Variants in RIN3 observed in about 807,000 individuals in gnomAD.
The protein encoded by RIN3 is Ras and Rab interactor 3.
Under a neutral mutation model 76.3 loss-of-function variants are expected in RIN3, and 54 were observed. The ratio of observed to expected loss-of-function variants is 0.71; its 90% CI spans 0.57 to 0.89. The LOEUF is 0.89. Among genes scored for constraint, RIN3 ranks in the 40% least tolerant of loss-of-function variants. The pLI is 0.00. For missense variants in RIN3, 1,256 were observed against 1,322.1 expected (o/e 0.95, Z 0.78); for synonymous variants, 576 against 564.0 (o/e 1.02, Z -0.30).
Position 92,572,866 on chromosome 14 carries a change from T to TC in RIN3, c.250-4493dup, listed in dbSNP as rs554699628. Among the ~76,000 whole-genome samples the TC allele has an allele frequency of 1.0e-3, 140 of 139,922 alleles. 1 individual carries two copies. The highest frequency in any genetic ancestry group is 3.5e-3 in the African/African-American group (134 of 38,402). 91.8% of individuals were successfully genotyped at this position (139,922 alleles called of 152,430 possible). ...TGGTGGTCTCCTGTAGAAGGGTGAC[T>TC]CTTTTTTTTGCTTTTTTTTTTTTTT... is the stretch of plus-strand genomic sequence containing the variant. On this transcript the variant is annotated intron_variant, in intron 2 of 9. Transcript: ENST00000216487.
chr14:92,517,888 C>T (rs1896485458), intron 1 of RIN3, among the ~76,000 whole-genome samples: 1 of 152,216 alleles, frequency 6.6e-6, no homozygotes, highest in African/African-American at 2.4e-5. Context: ...GGTGTGTCCC[C>T]CAACAGCTCC....
rs1194485071 is a variant in RIN3, at chr14:92,680,228, CTCTG to C, written c.2467+3629_2467+3632del. On this transcript the variant is annotated intron_variant, in intron 8 of 9. Transcript: ENST00000216487. ...TTTTTTTTTTTTTTTGAGACAGAGT[CTCTG>C]TCTGTCACCCGGACTGGAGTGCAGT... is the stretch of plus-strand genomic sequence containing the variant. 8.9e-5 allele frequency among the ~76,000 whole-genome samples: 13 copies of C among 145,304 alleles called. No homozygotes were observed. The East Asian group carries it at 1.8e-3, about 20-fold the overall frequency.
At chr14:92,544,026 C>G (rs902142243) in intron 1 of RIN3, among the ~76,000 whole-genome samples, 3 of 152,096 alleles carry the variant, frequency 2.0e-5, no homozygotes, top group South Asian at 2.1e-4. Context: ...CCCACCCCCC[C>G]ATCTCATTTA....
intron 3 of RIN3, among the ~76,000 whole-genome samples, chr14:92,612,573 G>A (rs1885783543): frequency 6.6e-6 from 1 of 152,202 alleles, no homozygotes; most frequent in African/African-American, 2.4e-5. Flanking sequence ...AGTCTCCCAT[G>A]CACTGTGCTG....
intron 7 of RIN3, among the ~76,000 whole-genome samples, chr14:92,665,374 T>G (rs1219263482): frequency 2.0e-5 from 1 of 50,952 alleles, no homozygotes; most frequent in Non-Finnish European, 4.6e-5. Context: ...TTGTCTCTTT[T>G]TTTTTTTTTT....
chr14:92,672,243 T>TAA (rs113945220), intron 7 of RIN3, among the ~76,000 whole-genome samples: 3 of 145,758 alleles, frequency 2.1e-5, no homozygotes, highest in African/African-American at 7.5e-5. Flanking sequence ...CCATCTCTAC[T>TAA]AAAAAAAAAA....
At chr14:92,610,324 C>CCTAT (rs1314887564) in intron 3 of RIN3, among the ~76,000 whole-genome samples, 5 of 152,114 alleles carry the variant, frequency 3.3e-5, no homozygotes, top group African/African-American at 9.7e-5. Context: ...CTAGCATCCC[C>CCTAT]CTATCTCCCC....
At chr14:92,566,661 T>C (rs529207968) in intron 2 of RIN3, among the ~76,000 whole-genome samples, 1 of 152,332 alleles carries the variant, frequency 6.6e-6, no homozygotes, top group Admixed American at 6.5e-5. Flanking sequence ...GGGACTATTA[T>C]GACCCCATTT....
chr14:92,651,461 A>G lies in RIN3; in HGVS notation c.533-121A>G, dbSNP rs1161349669. 2.7e-5 allele frequency: 16 copies of G among 592,320 alleles called. No homozygotes were observed. In the Admixed American group the frequency reaches 3.9e-4, roughly 14 times the overall value. 36.7% of individuals were successfully genotyped at this position (592,320 alleles called of 1,614,324 possible). On this transcript the variant is annotated intron_variant, in intron 5 of 9. Coordinates refer to ENST00000216487, the MANE Select transcript of RIN3 (RefSeq NM_024832.5). ...GGGAAAACAACCTCAACCTCGGAGT[A>G]GTGAAGCAAATGCCTTGAACAGCCC...
chr14:92,582,122 G>A (rs1487085852), intron 3 of RIN3, among the ~76,000 whole-genome samples: 1 of 152,174 alleles, frequency 6.6e-6, no homozygotes, highest in Non-Finnish European at 1.5e-5. Flanking sequence ...ATGGGCCTAG[G>A]AGAAGGTTCA....
At chr14:92,566,953 A>G (rs144390846) in intron 2 of RIN3, among the ~76,000 whole-genome samples, 2 of 152,314 alleles carry the variant, frequency 1.3e-5, no homozygotes, top group African/African-American at 4.8e-5. Context: ...GGTGCCTGCC[A>G]TGGAGTATAT....
Position 92,681,418 on chromosome 14 carries a change from CAT to C in RIN3, c.2468-3567_2468-3566del, listed in dbSNP as rs1243729162. Among the ~76,000 whole-genome samples the C allele has an allele frequency of 9.9e-5, 15 of 152,254 alleles. No homozygotes were observed. Among genetic ancestry groups the C allele is most frequent in the African/African-American group, 3.6e-4 (15 of 41,468 alleles). On this transcript the variant is annotated intron_variant, in intron 8 of 9. Transcript: ENST00000216487. This position sits in a 1 kb window ranked among gnomAD's most constrained non-coding sequence, Gnocchi z 4.7. ...CCCCCAGAGCACCTCCCTGAGGCCTCATAGCCACCATGCGTTATTCACACATT... is the reference window on the plus strand; with the variant it reads ...CCCCCAGAGCACCTCCCTGAGGCCTCAGCCACCATGCGTTATTCACACATT...
chr14:92,535,437 T>TC (rs2140008590), intron 1 of RIN3, among the ~76,000 whole-genome samples: 1 of 151,390 alleles, frequency 6.6e-6, no homozygotes, highest in South Asian at 2.1e-4. Flanking sequence ...GGGCGAGCTT[T>TC]CATTCTCCTA....
At chr14:92,534,936 GAGAA>G (rs1896962265) in intron 1 of RIN3, among the ~76,000 whole-genome samples, 1 of 152,184 alleles carries the variant, frequency 6.6e-6, no homozygotes, top group African/African-American at 2.4e-5. Context: ...TGCAAAGAAG[GAGAA>G]AGAAATCACT....
intron 3 of RIN3, among the ~76,000 whole-genome samples, chr14:92,589,021 G>A (rs1486376275): frequency 6.6e-6 from 1 of 152,174 alleles, no homozygotes; most frequent in East Asian, 1.9e-4. Context: ...CTGACTGACA[G>A]CATCCTCCCC....
chr14:92,548,571 C>T (rs1897339491), intron 1 of RIN3, among the ~76,000 whole-genome samples: 1 of 152,138 alleles, frequency 6.6e-6, no homozygotes, highest in Non-Finnish European at 1.5e-5. Context: ...GGATCCGTCC[C>T]ATGCCTCTCC....
At chr14:92,657,489 CCCAGA>C (rs1335232031) in intron 6 of RIN3, among the ~76,000 whole-genome samples, 1 of 152,174 alleles carries the variant, frequency 6.6e-6, no homozygotes, top group African/African-American at 2.4e-5. Flanking sequence ...TGCTGAGGGC[CCCAGA>C]CCAGAGAGGA....
chr14:92,593,590 A>G (rs1885058556), intron 3 of RIN3, among the ~76,000 whole-genome samples: 1 of 152,186 alleles, frequency 6.6e-6, no homozygotes, highest in African/African-American at 2.4e-5. Flanking sequence ...TACGTAATGT[A>G]AATGATGAGT....
At chr14:92,679,508 G>A (rs1057473873) in intron 8 of RIN3, among the ~76,000 whole-genome samples, 1 of 152,246 alleles carries the variant, frequency 6.6e-6, no homozygotes. Flanking sequence ...TGACCTTGGG[G>A]CTCTCCAGCG....
Sources: allele counts gnomAD v4.1 joint callset (sites outside exome capture counted in the v4.1 genomes callset), GRCh38; gene constraint gnomAD v4.1.1; non-coding constraint Gnocchi (gnomAD v3.1); transcripts MANE v1.5; gene names NCBI Gene and HGNC (gene_info 2026-07-23, HGNC 2026-07-21).